Variants in TENM4 observed in about 807,000 individuals in gnomAD.
TENM4 encodes the protein teneurin transmembrane protein 4.
A neutral mutation model predicts 243.3 loss-of-function variants in TENM4; 82 were observed. The ratio of observed to expected loss-of-function variants is 0.34; its 90% CI spans 0.28 to 0.40. TENM4 has a LOEUF of 0.40. TENM4 is among the 10% of genes least tolerant of loss of function. The probability of loss-of-function intolerance (pLI) is 1.00; values close to 1 mark genes in which losing one functional copy is unlikely to be tolerated. For synonymous variants in TENM4, 1,412 were observed against 1,456.3 expected, an observed-to-expected ratio of 0.97 and a Z score of 0.69; for missense variants, 3,138 against 3,673.3, an observed-to-expected ratio of 0.85 and a Z score of 3.77.
chr11:78,867,139 T>C (rs1859000815), intron 9 of TENM4, among the ~76,000 whole-genome samples: 1 of 152,194 alleles, frequency 6.6e-6, no homozygotes, highest in African/African-American at 2.4e-5. Flanking sequence ...TTAAAATGTA[T>C]TGTTTAATTG....
chr11:78,786,712 A>G (rs777875033), intron 16 of TENM4, among the ~76,000 whole-genome samples, 186 bp downstream of exon 16: 1 of 152,222 alleles, frequency 6.6e-6, no homozygotes, highest in Non-Finnish European at 1.5e-5. Flanking sequence ...TAAGGTTGAA[A>G]ATACCAAATC....
chr11:79,077,771 A>G (rs566526046), intron 4 of TENM4, among the ~76,000 whole-genome samples: 1 of 152,210 alleles, frequency 6.6e-6, no homozygotes, highest in Non-Finnish European at 1.5e-5. Flanking sequence ...GGTAGAAGAA[A>G]TAAAGTAACA....
At chr11:78,816,460 A>G (rs543193450) in intron 12 of TENM4, among the ~76,000 whole-genome samples, 5 of 152,332 alleles carry the variant, frequency 3.3e-5, no homozygotes, top group African/African-American at 7.2e-5. Flanking sequence ...GACTCTAGCT[A>G]TGGGTTCACT....
chr11:78,899,655 T>C (rs1011383619), intron 7 of TENM4, among the ~76,000 whole-genome samples: 1 of 151,678 alleles, frequency 6.6e-6, no homozygotes, highest in African/African-American at 2.4e-5. Flanking sequence ...GGGTGGATCC[T>C]GCATGAGTAG....
chr11:79,083,967 A>ATATG lies in TENM4; in HGVS notation c.-65-13959_-65-13958insCATA, dbSNP rs1555005044. Among the ~76,000 whole-genome samples, 19 of 151,714 alleles carry ATATG rather than the reference A, an allele frequency of 1.3e-4. No homozygotes were observed. In the East Asian group the frequency reaches 1.4e-3, roughly 11 times the overall value. ...GGCCTAGTATCTAGAATATATATAT[A>ATATG]TGTGTGTGTGTGTGTATACACATAT... On this transcript the variant is annotated intron_variant, in intron 4 of 33. Transcript: ENST00000278550.
Position 79,307,768 on chromosome 11 carries a change from T to C in TENM4, c.-320-10225A>G, listed in dbSNP as rs1013496147. Among the ~76,000 whole-genome samples the C allele has an allele frequency of 2.0e-5, 3 of 152,182 alleles. No homozygotes were observed. The East Asian group carries it at 5.8e-4, about 29-fold the overall frequency. ...TGCCTTCTCTGCAAAAGAACAAGAA[T>C]TGCCCAGGCCCCCCAGATCCAAGAT... is the stretch of plus-strand genomic sequence containing the variant. On this transcript the variant is annotated intron_variant, in intron 1 of 33. Coordinates refer to ENST00000278550, the MANE Select transcript of TENM4 (RefSeq NM_001098816.3).
chr11:79,047,713 C>A lies in TENM4; in HGVS notation c.493+17025G>T, dbSNP rs138495350. Among the ~76,000 whole-genome samples the A allele has an allele frequency of 1.6e-4, 24 of 152,158 alleles. No homozygotes were observed. In the East Asian group the frequency reaches 4.6e-3, roughly 29 times the overall value. On this transcript the variant is annotated intron_variant, in intron 6 of 33. Coordinates refer to ENST00000278550, the MANE Select transcript of TENM4 (RefSeq NM_001098816.3). ...GGGAGGATGCAGGTTCGGAGTCAGG[C>A]GGGTATCTGTGTTTGAATTCAGCCT...
chr11:78,671,144 G>C (rs1332152938), intron 31 of TENM4, among the ~76,000 whole-genome samples: 1 of 152,192 alleles, frequency 6.6e-6, no homozygotes, highest in Non-Finnish European at 1.5e-5. Context: ...ACAATGACAG[G>C]TCATAAGCCT....
intron 2 of TENM4, among the ~76,000 whole-genome samples, chr11:79,278,465 G>A (rs1207349956): frequency 6.6e-6 from 1 of 152,190 alleles, no homozygotes; most frequent in Admixed American, 6.5e-5. Flanking sequence ...TAAAGGCTCA[G>A]GAGGAAAGAC....
intron 27 of TENM4, among the ~76,000 whole-genome samples, chr11:78,707,113 G>A (rs1200903481): frequency 6.6e-6 from 1 of 152,214 alleles, no homozygotes; most frequent in Non-Finnish European, 1.5e-5. Context: ...GCTGGAAGCA[G>A]GTGACACAGT....
At chr11:79,051,296 C>T (rs1454535493) in intron 6 of TENM4, among the ~76,000 whole-genome samples, 2 of 152,122 alleles carry the variant, frequency 1.3e-5, no homozygotes, top group African/African-American at 4.8e-5. Context: ...AAGACCGAGG[C>T]ATGGAGAGAT....
At chr11:79,059,274 G>A (rs7107506) in intron 6 of TENM4, among the ~76,000 whole-genome samples, 2,692 of 152,118 alleles carry the variant, frequency 0.018, 89 homozygotes, top group African/African-American at 0.061. Context: ...ATGCTTCTGC[G>A]TGCCTCCAAG....
Position 79,198,535 on chromosome 11 carries a change from G to A in TENM4, c.-163+17273C>T, listed in dbSNP as rs543066750. On this transcript the variant is annotated intron_variant, in intron 3 of 33. Coordinates refer to ENST00000278550, the MANE Select transcript of TENM4 (RefSeq NM_001098816.3). ...TTATTTCCTCCCCTCTAAAATGAGA[G>A]AGAAGAAGTTATGTGAAGAAACAAT... 3.3e-4 allele frequency among the ~76,000 whole-genome samples: 51 copies of A among 152,338 alleles called. No individual in the cohort carries two copies. The South Asian group carries it at 9.7e-3, about 29-fold the overall frequency.
chr11:78,876,198 G>T (rs1859266279), intron 9 of TENM4, among the ~76,000 whole-genome samples: 1 of 152,190 alleles, frequency 6.6e-6, no homozygotes, highest in African/African-American at 2.4e-5. Flanking sequence ...TGCATTGACT[G>T]CTGGAGAGAA....
chr11:79,085,695 G>C (rs147369770), intron 4 of TENM4, among the ~76,000 whole-genome samples: 1 of 152,032 alleles, frequency 6.6e-6, no homozygotes, highest in Non-Finnish European at 1.5e-5. Flanking sequence ...CCTCACTCAC[G>C]TTGTCTCCAT....
intron 19 of TENM4, chr11:78,749,280 A>G (rs772262631): frequency 6.6e-6 from 1 of 151,906 alleles, no homozygotes; most frequent in Non-Finnish European, 1.5e-5. Flanking sequence ...ATAATATATA[A>G]TGGCTGACAT....
intron 1 of TENM4, among the ~76,000 whole-genome samples, chr11:79,356,299 A>G (rs978519601): frequency 2.0e-5 from 3 of 152,164 alleles, no homozygotes; most frequent in African/African-American, 7.2e-5. Flanking sequence ...GCAAGTGACA[A>G]CCTTCTCCTC....
intron 17 of TENM4, among the ~76,000 whole-genome samples, chr11:78,775,382 G>T (rs1466447557): frequency 6.6e-6 from 1 of 152,206 alleles, no homozygotes; most frequent in Non-Finnish European, 1.5e-5. Flanking sequence ...TGCCAGTTTG[G>T]AAGATGTGAA....
At chr11:79,141,748 C>G (rs779885156) in intron 4 of TENM4, among the ~76,000 whole-genome samples, 1 of 151,854 alleles carries the variant, frequency 6.6e-6, no homozygotes, top group Non-Finnish European at 1.5e-5. Context: ...ATCAATGGAA[C>G]AAAACACTAG....
Sources: gnomAD v4.1 joint callset for allele counts (sites outside exome capture counted in the v4.1 genomes callset) on GRCh38, gnomAD v4.1.1 for gene constraint, MANE v1.5 for transcripts, NCBI Gene and HGNC (gene_info 2026-07-23, HGNC 2026-07-21) for gene names.